The following ANO8 variants were observed in gnomAD, a reference collection of about 807,000 sequenced individuals.
ANO8 encodes the protein anoctamin-8.
Under a neutral mutation model 120.4 loss-of-function variants are expected in ANO8, and 67 were observed. That is an observed-to-expected ratio of 0.56 (90% confidence interval 0.46 to 0.68). The LOEUF is 0.68. ANO8 is among the 30% of genes least tolerant of loss of function. The pLI, the probability that ANO8 is intolerant of heterozygous loss-of-function variation, is 0.00. For synonymous variants in ANO8, 727 were observed against 759.2 expected (o/e 0.96, Z 0.70); for missense variants, 1,526 against 1,737.6 (o/e 0.88, Z 2.16).
At chr19:17,325,415 C>T in intron 16 of ANO8, 29 bp from the exon 17 acceptor site, 1 of 1,549,330 alleles carries the variant, frequency 6.5e-7, no homozygotes, top group South Asian at 1.2e-5. Flanking sequence ...CGTTACAGGA[C>T]TAAGAAGAAA....
Position 17,323,469 on chromosome 19 carries a change from G to A in ANO8, c.*48C>T. On this transcript the variant is annotated 3_prime_UTR_variant, in exon 18 of 18. Coordinates refer to ENST00000159087, the MANE Select transcript of ANO8 (RefSeq NM_020959.3). ...TGCATTTTGGAGACCGGCCGCCCCT[G>A]TGAATGACTGATATTGCATATGAGA... The A allele has an allele frequency of 7.8e-7, 1 of 1,286,318 alleles. No individual in the cohort carries two copies. 79.7% of individuals were successfully genotyped at this position (1,286,318 alleles called of 1,614,324 possible).
In ANO8 at chr19:17,330,454, C is replaced by G; in HGVS notation, c.1044G>C (p.Pro348=). 2 of 1,565,058 alleles carry G rather than the reference C, an allele frequency of 1.3e-6. No individual in the cohort carries two copies. The highest frequency in any genetic ancestry group is 1.7e-6 in the Non-Finnish European group (2 of 1,155,270). ...PITRAEEFYY[P]PWKRLLFQLL... ...GCTGGAAGAGCAGCCGCTTCCAGGG[C>G]GGGTAGTAGAACTCCTCGGCCCGCG... The change falls in exon 9 of 18, where the codon CCG becomes CCC. Residue 348 remains proline (P), a synonymous_variant. Transcript: ENST00000159087.
intron 17 of ANO8, 66 bp from the exon 18 acceptor site, chr19:17,323,950 C>G: frequency 9.3e-7 from 1 of 1,076,952 alleles, no homozygotes; most frequent in Non-Finnish European, 1.1e-6. Flanking sequence ...GGGCTGGCAA[C>G]CCTGCCCGCG....
At chr19:17,327,913 T>C in intron 13 of ANO8, 33 bp from the exon 14 acceptor site, 1 of 1,600,870 alleles carries the variant, frequency 6.2e-7, no homozygotes, top group Non-Finnish European at 8.5e-7. Context: ...CCTGGAAGCC[T>C]CTTCCCTGGG....
At chr19:17,328,006 A>G (rs1371817077) in intron 13 of ANO8, 126 bp from the exon 14 acceptor site, 1 of 1,410,630 alleles carries the variant, frequency 7.1e-7, no homozygotes, top group Non-Finnish European at 9.5e-7. Context: ...GCCAGCCCAG[A>G]GGCTTCCTGT....
chr19:17,326,674 G>A (rs958726820), intron 16 of ANO8, among the ~76,000 whole-genome samples: 2 of 152,246 alleles, frequency 1.3e-5, no homozygotes, highest in African/African-American at 4.8e-5. Context: ...TGCAGGGACA[G>A]TGCAGACAAA....
Position 17,325,042 on chromosome 19 carries a change from G to A in ANO8, c.3006C>T (p.Ala1002=), listed in dbSNP as rs755124. ...GATSSLAAAG[A]GATTRPPPAQ... ...CAGGGGGAGGCCGGGTGGTGGCTCC[G>A]GCCCCTGCAGCAGCCAGTGAGGATG... Residue 1002 remains alanine, a synonymous_variant, in exon 17 of 18, where the codon GCC becomes GCT. Transcript: ENST00000159087. 2.7e-5 allele frequency: 44 copies of A among 1,612,836 alleles called. No individual in the cohort carries two copies. The highest frequency in any genetic ancestry group is 3.5e-5 in the Non-Finnish European group (41 of 1,179,868).
chr19:17,323,813 GCGGCGGCGGCGCGGGGCTC>G lies in ANO8; in HGVS notation c.3384_3402del (p.Ser1129GlnfsTer184). On this transcript the variant is annotated frameshift_variant, in exon 18 of 18. Transcript: ENST00000159087. LOFTEE classifies it low-confidence loss of function (END_TRUNC). ...GTCGGGGGCCGGGGCAGCGGCATTG[GCGGCGGCGGCGCGGGGCTC>G]CGGCTGCGGCGGGTGCGGAGGGCAG... 1 of 1,128,094 alleles carries G rather than the reference GCGGCGGCGGCGCGGGGCTC, an allele frequency of 8.9e-7. No homozygotes were observed. The highest frequency in any genetic ancestry group is 1.1e-6 in the Non-Finnish European group (1 of 918,132). 69.9% of individuals were successfully genotyped at this position (1,128,094 alleles called of 1,614,324 possible). A position where few individuals can be genotyped will look rare whatever the true frequency, so the allele number is the denominator to read the frequency against.
chr19:17,334,340 C>A (rs2074344260), intron 1 of ANO8, among the ~76,000 whole-genome samples: 1 of 152,212 alleles, frequency 6.6e-6, no homozygotes, highest in African/African-American at 2.4e-5. Context: ...GCAGCCCAAG[C>A]CTGGGGCTCT....
chr19:17,330,767 G>A (rs2074311819), intron 8 of ANO8, 61 bp downstream of exon 8: 9 of 1,553,590 alleles, frequency 5.8e-6, no homozygotes, highest in Non-Finnish European at 7.8e-6. Context: ...TGCTCCTGCA[G>A]TGCCCCCCAC....
Position 17,325,132 on chromosome 19 carries a change from G to A in ANO8, c.2916C>T (p.Pro972=). 1 of 1,613,706 alleles carries A rather than the reference G, an allele frequency of 6.2e-7. No homozygotes were observed. Among genetic ancestry groups the A allele is most frequent in the South Asian group, 1.1e-5 (1 of 91,080 alleles). ...RPKRPGSLLA[P]NNVMKLKQII... ...TCTGCTTCAACTTCATGACGTTGTT[G>A]GGTGCCAGCAGGGACCCTGGGCGCT... is the stretch of plus-strand genomic sequence containing the variant. Residue 972 remains proline, a synonymous_variant, in exon 17 of 18, where the codon CCC becomes CCT. Coordinates refer to ENST00000159087, the MANE Select transcript of ANO8 (RefSeq NM_020959.3).
rs2074295345 is a variant in ANO8, at chr19:17,328,798, C to T, written c.1590G>A (p.Ala530=). Residue 530 remains alanine (A), a synonymous_variant, in exon 13 of 18, where the codon GCG becomes GCA. Transcript: ENST00000159087. The part of the protein sequence containing the change: ...RPAPRRLEPQ[A]DEGGGGGSGG... ...CGCTGCCGCCGCCCCCGCCCTCATCCGCCTGGGGTTCGAGGCGGCGGGGCG... is the reference window on the plus strand; with the variant it reads ...CGCTGCCGCCGCCCCCGCCCTCATCTGCCTGGGGTTCGAGGCGGCGGGGCG... 1 of 1,375,870 alleles carries T rather than the reference C, an allele frequency of 7.3e-7. No homozygotes were observed. Among genetic ancestry groups the T allele is most frequent in the Non-Finnish European group, 9.3e-7 (1 of 1,070,970 alleles). 85.2% of individuals were successfully genotyped at this position (1,375,870 alleles called of 1,614,324 possible).
chr19:17,326,676 G>A (rs991739917), intron 16 of ANO8, among the ~76,000 whole-genome samples: 1 of 152,234 alleles, frequency 6.6e-6, no homozygotes, highest in South Asian at 2.1e-4. Flanking sequence ...CAGGGACAGT[G>A]CAGACAAAGG....
rs959237571 is a variant in ANO8, at chr19:17,325,036, G to A, written c.3012C>T (p.Ala1004=). The change falls in exon 17 of 18, where the codon GCC becomes GCT. Residue 1004 remains alanine (A), a synonymous_variant. Coordinates refer to ENST00000159087, the MANE Select transcript of ANO8 (RefSeq NM_020959.3). The stretch of plus-strand genomic sequence containing the variant: ...ACTGGGCAGGGGGAGGCCGGGTGGT[G>A]GCTCCGGCCCCTGCAGCAGCCAGTG... The part of the protein sequence containing the change: ...TSSLAAAGAG[A]TTRPPPAQSP... 5.6e-6 allele frequency: 9 copies of A among 1,612,864 alleles called. No individual in the cohort carries two copies. The highest frequency in any genetic ancestry group is 7.6e-6 in the Non-Finnish European group (9 of 1,179,878).
rs1287193388 is a variant in ANO8, at chr19:17,327,822, G to A, written c.2285C>T (p.Ser762Leu). The A allele has an allele frequency of 6.2e-7, 1 of 1,614,210 alleles. No individual in the cohort carries two copies. Among genetic ancestry groups the A allele is most frequent in the East Asian group, 2.2e-5 (1 of 44,886 alleles). The change falls in exon 14 of 18, where the codon TCG becomes TTG. Residue 762 changes from serine to leucine, a missense_variant. Coordinates refer to ENST00000159087, the MANE Select transcript of ANO8 (RefSeq NM_020959.3). The part of the protein sequence containing the change: ...FVQFGYVVLF[S>L]SAFPLAALCA... ...CAGCGCCGCCAGGGGGAAGGCGGACGAGAAGAGCACAACGTAGCCGAACTG... is the reference window on the plus strand; with the variant it reads ...CAGCGCCGCCAGGGGGAAGGCGGACAAGAAGAGCACAACGTAGCCGAACTG...
At position 17,328,290 on chromosome 19, in the gene ANO8, C is replaced by G; in HGVS notation, c.2098G>C (p.Gly700Arg). ...CTACGGGTCGAATCGCTGTTGGAGC[C>G]GGGTTCCGGGTCCGGGCCCCCGTCG... ...GPDGGPDPEP[G>R]SNSDSTRRQR... Residue 700 changes from glycine (G) to arginine (R), a missense_variant, in exon 13 of 18, where the codon GGC (glycine) becomes CGC (arginine). By Grantham distance (125) the Gly-to-Arg change is moderately radical. This residue lies in a region of ANO8 where 467 missense variants were observed against 425.8 expected (regional missense o/e 1.10). Coordinates refer to ENST00000159087, the MANE Select transcript of ANO8 (RefSeq NM_020959.3). The G allele has an allele frequency of 1.4e-5, 22 of 1,605,746 alleles. No individual in the cohort carries two copies. Among genetic ancestry groups the G allele is most frequent in the Non-Finnish European group, 1.8e-5 (21 of 1,177,170 alleles).
chr19:17,327,776 G>A lies in ANO8; in HGVS notation c.2331C>T (p.Leu777=), dbSNP rs764300468. 14 of 1,614,072 alleles carry A rather than the reference G, an allele frequency of 8.7e-6. No homozygotes were observed. The East Asian group carries it at 2.9e-4, about 33-fold the overall frequency. The change falls in exon 14 of 18, where the codon CTC becomes CTT. Residue 777 remains leucine (L), a synonymous_variant. Coordinates refer to ENST00000159087, the MANE Select transcript of ANO8 (RefSeq NM_020959.3). ...TGAAGGCGTCGCTGCGGATCTCAAT[G>A]AGGTTGTTGACCAGGGCGCACAGCG... ...LAALCALVNN[L]IEIRSDAFKL...
At chr19:17,329,610 A>T in intron 12 of ANO8, 147 bp downstream of exon 12, 1 of 648,772 alleles carries the variant, frequency 1.5e-6, no homozygotes, top group South Asian at 1.9e-5. Flanking sequence ...GGACGCACAG[A>T]CGACGGACAA....
chr19:17,330,160 C>A lies in ANO8; in HGVS notation c.1238G>T (p.Gly413Val). ...LALLVSVSAE[G>V]YKKLAIWLND... ...GAGCCAGATGGCTAGCTTCTTGTAG[C>A]CCTCGGCACTCACACTGACAAGCAG... Residue 413 changes from glycine (G) to valine (V), a missense_variant, in exon 10 of 18, where the codon GGC (glycine) becomes GTC (valine). Physicochemically the swap from Gly to Val is moderately radical, Grantham distance 109 (BLOSUM62 -3). Coordinates refer to ENST00000159087, the MANE Select transcript of ANO8 (RefSeq NM_020959.3). 6.2e-7 allele frequency: 1 copy of A among 1,614,052 alleles called. No individual in the cohort carries two copies.
Sources: gnomAD v4.1 joint callset for allele counts (sites outside exome capture counted in the v4.1 genomes callset) on GRCh38, gnomAD v4.1.1 for gene constraint, gnomAD v4.1.1 regional missense constraint, MANE v1.5 for transcripts, NCBI Gene and HGNC (gene_info 2026-07-23, HGNC 2026-07-21) for gene names.